The following DNMT1 variants were observed in gnomAD, a reference collection of about 807,000 sequenced individuals.
DNMT1 encodes the protein DNA methyltransferase 1, also known as DNA (cytosine-5)-methyltransferase 1.
Under a neutral mutation model 205.3 loss-of-function variants are expected in DNMT1, and 24 were observed. The observed-to-expected ratio is 0.12, with a 90% CI of 0.08 to 0.16. The LOEUF (loss-of-function observed/expected upper bound fraction) is 0.16, where lower values mean the gene tolerates loss of function less well. Ranked by LOEUF, DNMT1 falls within the 10% of genes least tolerant of loss-of-function variation. DNMT1 has a pLI of 1.00. For synonymous variants in DNMT1, 817 were observed against 839.8 expected (o/e 0.97, Z 0.47); for missense variants, 1,293 against 2,177.7 (o/e 0.59, Z 8.09).
In DNMT1 at chr19:10,151,760, G is replaced by C. The variant is rs1385861545; in HGVS notation, c.2107C>G (p.Gln703Glu). The change falls in exon 23 of 41, where the codon CAA becomes GAA. Residue 703 changes from glutamine (Q) to glutamate (E), a missense_variant. Coordinates refer to ENST00000359526, the MANE Select transcript of DNMT1 (RefSeq NM_001130823.3). This position sits in a 1 kb window ranked among gnomAD's most constrained non-coding sequence, Gnocchi z 5.0. ...GGSGRSKQAC[Q>E]ERRCPNMAMK... is the part of the protein sequence containing the mutation. Reference sequence around the variant, plus strand: ...CTCGGCCTGACCTACCTCCGCTCTTGGCAAGCCTGCTTGCTCCGTCCACTG... The same window carrying C: ...CTCGGCCTGACCTACCTCCGCTCTTCGCAAGCCTGCTTGCTCCGTCCACTG... The C allele has an allele frequency of 6.2e-7, 1 of 1,614,096 alleles. No individual in the cohort carries two copies. Among genetic ancestry groups the C allele is most frequent in the Non-Finnish European group, 8.5e-7 (1 of 1,180,020 alleles).
Position 10,148,338 on chromosome 19 carries a change from T to TATA in DNMT1, c.2720+545_2720+546insTAT, listed in dbSNP as rs1211720699. On this transcript the variant is annotated intron_variant, in intron 27 of 40. Transcript: ENST00000359526. ...AGTGAAACCTCGTCTCTACTAAAAA[T>TATA]ACAAAAAACTAGCCGGGTGTGGTGG... 3.4e-5 allele frequency among the ~76,000 whole-genome samples: 5 copies of TATA among 146,244 alleles called. No individual in the cohort carries two copies. The East Asian group carries it at 1.0e-3, about 30-fold the overall frequency.
chr19:10,180,206 G>A lies in DNMT1; in HGVS notation c.474C>T (p.Ser158=). 1 of 963,822 alleles carries A rather than the reference G, an allele frequency of 1.0e-6. No individual in the cohort carries two copies. The highest frequency in any genetic ancestry group is 1.6e-6 in the Non-Finnish European group (1 of 628,764). The allele number at this position is 963,822 out of a possible 1,614,324, so 59.7% of individuals were successfully genotyped here. ...ACATACCTCTAATCCCAGTTACTTG[G>A]GAGGCTGAGGCAGGAGGGTCTCTTG... is the stretch of plus-strand genomic sequence containing the variant. The part of the protein sequence containing the change: ...KRSRDPPASA[S]QVTGIRAEPS... The change falls in exon 5 of 41, where the codon TCC becomes TCT. Residue 158 remains serine, a synonymous_variant. Coordinates refer to ENST00000359526, the MANE Select transcript of DNMT1 (RefSeq NM_001130823.3).
chr19:10,149,331 A>C (rs1599359234), intron 26 of DNMT1, 122 bp downstream of exon 26: 13 of 730,214 alleles, frequency 1.8e-5, no homozygotes, highest in Non-Finnish European at 2.3e-5. Context: ...GTCTCAAAAC[A>C]AAAAAAAAAA....
intron 13 of DNMT1, among the ~76,000 whole-genome samples, chr19:10,162,301 G>A (rs1407200369): frequency 1.3e-5 from 2 of 150,568 alleles, no homozygotes; most frequent in Non-Finnish European, 3.0e-5. Context: ...ACCACGCCCA[G>A]CTAATTTTGC....
chr19:10,139,748 G>T lies in DNMT1; in HGVS notation c.3876C>A (p.Arg1292=). ...ENVRNFVSFK[R]SMVLKLTLRC... ...GGAGGGTGAGCTTCAGGACCATGGA[G>T]CGCTTGAAGGAGACAAAGTTCCTGA... is the stretch of plus-strand genomic sequence containing the variant. The change falls in exon 34 of 41, where the codon CGC becomes CGA. Residue 1292 remains arginine (R), a synonymous_variant. Transcript: ENST00000359526. 2 of 1,612,382 alleles carry T rather than the reference G, an allele frequency of 1.2e-6. No individual in the cohort carries two copies. The highest frequency in any genetic ancestry group is 1.7e-6 in the Non-Finnish European group (2 of 1,179,514).
At position 10,143,756 on chromosome 19, in the gene DNMT1, C is replaced by T. The variant is rs763236464; in HGVS notation, c.3116+10G>A. 6.2e-7 allele frequency: 1 copy of T among 1,613,974 alleles called. No individual in the cohort carries two copies. Among genetic ancestry groups the T allele is most frequent in the Non-Finnish European group, 8.5e-7 (1 of 1,179,998 alleles). ...TGTGGCCTCGTGGAAGAACAGAGGC[C>T]TCTGCTGACCTGTAGAACTTGTTGA... On this transcript the variant is annotated intron_variant, in intron 29 of 40. Coordinates refer to ENST00000359526, the MANE Select transcript of DNMT1 (RefSeq NM_001130823.3).
chr19:10,194,889 C>G lies in DNMT1; in HGVS notation c.11G>C (p.Arg4Pro). MPA[R>P]TAPARVPTLA... ...TGTGGGCACCCGGGCTGGGGCGGTA[C>G]GCGCCGGCATCTCGGAGGCTTCAGC... Residue 4 changes from arginine (R) to proline (P), a missense_variant, in exon 1 of 41, where the codon CGT becomes CCT. Physicochemically the swap from Arg to Pro is moderately radical, Grantham distance 103. This residue lies in a region of DNMT1 where 394 missense variants were observed against 451.6 expected (regional missense o/e 0.87). Transcript: ENST00000359526. 11 of 1,609,198 alleles carry G rather than the reference C, an allele frequency of 6.8e-6. No homozygotes were observed. The highest frequency in any genetic ancestry group is 8.5e-6 in the Non-Finnish European group (10 of 1,178,172).
At chr19:10,136,929 T>C in intron 37 of DNMT1, 156 bp downstream of exon 37, 1 of 1,048,672 alleles carries the variant, frequency 9.5e-7, no homozygotes. Context: ...CCCAGCCTGC[T>C]TTTACTACTC....
In DNMT1 at chr19:10,162,684, T is replaced by C; in HGVS notation, c.991A>G (p.Lys331Glu). The stretch of plus-strand genomic sequence containing the variant: ...ACCTTTACCTTTTCATCCTCGTCTT[T>C]TTCATCAGAAATCTGTGGATTTACT... ...EKVNPQISDE[K>E]DEDEKEEKRR... Residue 331 changes from lysine (K) to glutamate (E), a missense_variant, in exon 13 of 41, where the codon AAA becomes GAA. Coordinates refer to ENST00000359526, the MANE Select transcript of DNMT1 (RefSeq NM_001130823.3). 1 of 1,613,932 alleles carries C rather than the reference T, an allele frequency of 6.2e-7. No individual in the cohort carries two copies. The highest frequency in any genetic ancestry group is 2.2e-5 in the East Asian group (1 of 44,884).
At chr19:10,183,016 CAT>C (rs927551092) in intron 1 of DNMT1, among the ~76,000 whole-genome samples, 5 of 145,594 alleles carry the variant, frequency 3.4e-5, no homozygotes, top group African/African-American at 7.7e-5. Flanking sequence ...TGTATATATA[CAT>C]ATATATGTGT....
intron 10 of DNMT1, among the ~76,000 whole-genome samples, chr19:10,167,206 T>C (rs1372615021): frequency 6.6e-6 from 1 of 151,960 alleles, no homozygotes; most frequent in Non-Finnish European, 1.5e-5. Context: ...TTCCTTTTTT[T>C]TTTTCTTGAG....
chr19:10,137,399 C>T lies in DNMT1; in HGVS notation c.4294-119G>A, dbSNP rs947118403. The T allele has an allele frequency of 1.0e-5, 13 of 1,278,406 alleles. No homozygotes were observed. The highest frequency in any genetic ancestry group is 2.7e-5 in the South Asian group (2 of 73,788). 79.2% of individuals were successfully genotyped at this position (1,278,406 alleles called of 1,614,324 possible). On this transcript the variant is annotated intron_variant, in intron 36 of 40. Coordinates refer to ENST00000359526, the MANE Select transcript of DNMT1 (RefSeq NM_001130823.3). This position sits in a 1 kb window ranked among gnomAD's most constrained non-coding sequence, Gnocchi z 6.4. Reference sequence around the variant, plus strand: ...GAAGCCCCCTGGGGCTCACGCCCATCGGGAAAGAGACAGTCAGGGATATCG... The same window carrying T: ...GAAGCCCCCTGGGGCTCACGCCCATTGGGAAAGAGACAGTCAGGGATATCG...
Position 10,162,659 on chromosome 19 carries a change from AC to A in DNMT1, c.1008+7del, listed in dbSNP as rs769664328. 14 of 1,590,156 alleles carry A rather than the reference AC, an allele frequency of 8.8e-6. No homozygotes were observed. Among genetic ancestry groups the A allele is most frequent in the African/African-American group, 2.7e-5 (2 of 73,986 alleles). ...AAAAAAAGAAAGAAAGAAAAGTGAG[AC>A]CTTTACCTTTTCATCCTCGTCTTTT... On this transcript the variant is annotated splice_region_variant and intron_variant, in intron 13 of 40. Coordinates refer to ENST00000359526, the MANE Select transcript of DNMT1 (RefSeq NM_001130823.3).
In DNMT1 at chr19:10,134,179, G is replaced by C. The variant is rs773603206; in HGVS notation, c.4864+38C>G. ...CCCCCACATGTACCCCCAGAGGGCA[G>C]TCAGGCCCCAGAGGAAGCCTGGCCC... On this transcript the variant is annotated intron_variant, in intron 40 of 40. Coordinates refer to ENST00000359526, the MANE Select transcript of DNMT1 (RefSeq NM_001130823.3). The C allele has an allele frequency of 2.5e-6, 4 of 1,611,588 alleles. No homozygotes were observed. In the South Asian group the frequency reaches 3.3e-5, roughly 13 times the overall value.
chr19:10,159,630 G>A lies in DNMT1; in HGVS notation c.1280+28C>T. 1.2e-6 allele frequency: 2 copies of A among 1,611,606 alleles called. No individual in the cohort carries two copies. Among genetic ancestry groups the A allele is most frequent in the Non-Finnish European group, 1.7e-6 (2 of 1,177,752 alleles). On this transcript the variant is annotated intron_variant, in intron 17 of 40. Transcript: ENST00000359526. This position sits in a 1 kb window ranked among gnomAD's most constrained non-coding sequence, Gnocchi z 5.0. ...CTGGGGATGTGCCTCCTTCCACGAAGCAAACATGCACACGAAAGTGCACTT... is the reference window on the plus strand; with the variant it reads ...CTGGGGATGTGCCTCCTTCCACGAAACAAACATGCACACGAAAGTGCACTT...
rs751408668 is a variant in DNMT1, at chr19:10,146,443, A to G, written c.2802T>C (p.Asp934=). 11 of 1,614,000 alleles carry G rather than the reference A, an allele frequency of 6.8e-6. No individual in the cohort carries two copies. In the South Asian group the frequency reaches 1.1e-4, roughly 16 times the overall value. ...PRVLEQLEDL[D]SRVLYYSATK... is the part of the protein sequence containing the mutation. The stretch of plus-strand genomic sequence containing the variant: ...TGGCTGAGTAGTAGAGGACCCGGCT[A>G]TCCAGGTCCTCGAGCTGCTCCAGGA... The change falls in exon 28 of 41, where the codon GAT becomes GAC. Residue 934 remains aspartate, a synonymous_variant. Coordinates refer to ENST00000359526, the MANE Select transcript of DNMT1 (RefSeq NM_001130823.3). The surrounding 1 kb of genome is among the most constrained non-coding windows in gnomAD (Gnocchi z 4.4).
intron 28 of DNMT1, among the ~76,000 whole-genome samples, chr19:10,144,974 C>A (rs1353331554): frequency 6.6e-6 from 1 of 152,222 alleles, no homozygotes; most frequent in Non-Finnish European, 1.5e-5. Flanking sequence ...GAACTCCTGA[C>A]AGGCATGAGC....
chr19:10,168,856 G>C (rs1213213199), intron 9 of DNMT1, among the ~76,000 whole-genome samples: 2 of 152,240 alleles, frequency 1.3e-5, no homozygotes, highest in Middle Eastern at 3.4e-3. Flanking sequence ...ATTTATTTAT[G>C]AGACGGAGTC....
intron 17 of DNMT1, among the ~76,000 whole-genome samples, chr19:10,157,728 G>T (rs1401766687): frequency 1.3e-5 from 2 of 152,236 alleles, no homozygotes; most frequent in Non-Finnish European, 2.9e-5. Flanking sequence ...ATGGCAGACA[G>T]AATAGGTTGC....
Sources: gnomAD v4.1 joint callset for allele counts (sites outside exome capture counted in the v4.1 genomes callset) on GRCh38, gnomAD v4.1.1 for gene constraint, gnomAD v4.1.1 regional missense constraint, Gnocchi (gnomAD v3.1) non-coding constraint, MANE v1.5 for transcripts, NCBI Gene and HGNC (gene_info 2026-07-23, HGNC 2026-07-21) for gene names.